GNG12: variants seen among roughly 807,000 people sequenced by gnomAD.
GNG12 encodes G protein subunit gamma 12.
For missense variants in GNG12, 69 were observed against 83.8 expected, an observed-to-expected ratio of 0.82 and a Z score of 0.69; for synonymous variants, 28 against 29.7, an observed-to-expected ratio of 0.94 and a Z score of 0.19.
At chr1:67,778,824 A>C (rs1047625009) in intron 1 of GNG12, among the ~76,000 whole-genome samples, 4 of 152,212 alleles carry the variant, frequency 2.6e-5, no homozygotes, top group Non-Finnish European at 5.9e-5. Context: ...TTCAGTTTTA[A>C]TTATAACCAT....
intron 1 of GNG12, among the ~76,000 whole-genome samples, chr1:67,812,545 T>C (rs997499708): frequency 6.6e-6 from 1 of 152,128 alleles, no homozygotes; most frequent in East Asian, 1.9e-4. Flanking sequence ...ACTTTCATCT[T>C]GAGAGGTAGG....
chr1:67,703,206 A>G lies in GNG12; in HGVS notation c.*2245T>C, dbSNP rs1472440609. 2 of 152,136 alleles carry G rather than the reference A, an allele frequency of 1.3e-5. No homozygotes were observed. The highest frequency in any genetic ancestry group is 4.8e-5 in the African/African-American group (2 of 41,432). The allele number at this position is 152,136 out of a possible 1,614,324, so 9.4% of individuals were successfully genotyped here. A position where few individuals can be genotyped will look rare whatever the true frequency, so the allele number is the denominator to read the frequency against. ...TATTTATACTCATAGCCTTTATTGT[A>G]TCTGACCAGGGTGAATAAAATGAAA... On this transcript the variant is annotated 3_prime_UTR_variant, in exon 4 of 4. Transcript: ENST00000370982.
At chr1:67,728,555 G>A (rs952023086) in intron 2 of GNG12, among the ~76,000 whole-genome samples, 6 of 152,026 alleles carry the variant, frequency 3.9e-5, no homozygotes, top group Admixed American at 2.0e-4. Flanking sequence ...TGATCAATAC[G>A]GGGACTGTAA....
intron 1 of GNG12, among the ~76,000 whole-genome samples, chr1:67,792,869 C>T (rs1179218574): frequency 6.6e-6 from 1 of 152,190 alleles, no homozygotes; most frequent in Non-Finnish European, 1.5e-5. Flanking sequence ...GGTTTTCTGG[C>T]TGCCTGGCCA....
chr1:67,778,152 A>G (rs919792459), intron 1 of GNG12, among the ~76,000 whole-genome samples: 1 of 150,714 alleles, frequency 6.6e-6, no homozygotes, highest in African/African-American at 2.4e-5. Flanking sequence ...TCATAATGTT[A>G]AATGTTCTAG....
At chr1:67,811,449 AC>A (rs1279752011) in intron 1 of GNG12, among the ~76,000 whole-genome samples, 1 of 152,080 alleles carries the variant, frequency 6.6e-6, no homozygotes, top group East Asian at 1.9e-4. Context: ...TACAAGGCAA[AC>A]CCTGCTGCGG....
At chr1:67,734,252 C>T (rs960009998) in intron 2 of GNG12, among the ~76,000 whole-genome samples, 1 of 151,690 alleles carries the variant, frequency 6.6e-6, no homozygotes, top group Non-Finnish European at 1.5e-5. Context: ...AGAGAGAGCA[C>T]AGGGCAGCTA....
At chr1:67,755,066 T>C (rs756618997) in intron 2 of GNG12, among the ~76,000 whole-genome samples, 107 of 152,374 alleles carry the variant, frequency 7.0e-4, no homozygotes, top group Non-Finnish European at 7.8e-4. Flanking sequence ...TCTTCATTCA[T>C]AGAGAGATGC....
intron 1 of GNG12, among the ~76,000 whole-genome samples, chr1:67,799,927 C>T (rs913144257): frequency 1.3e-5 from 2 of 152,106 alleles, no homozygotes; most frequent in African/African-American, 4.8e-5. Context: ...ATTTTTGTGA[C>T]ATGTTTTTGT....
chr1:67,710,409 A>T (rs547345036), intron 2 of GNG12, among the ~76,000 whole-genome samples: 105 of 151,014 alleles, frequency 7.0e-4, no homozygotes, highest in African/African-American at 2.3e-3. Flanking sequence ...CATGAGGATA[A>T]GGTCAAGCAT....
At chr1:67,705,670 C>A in intron 3 of GNG12, 94 bp from the exon 4 acceptor site, 1 of 1,444,526 alleles carries the variant, frequency 6.9e-7, no homozygotes, top group Non-Finnish European at 9.1e-7. Context: ...GAATGGAAGA[C>A]TGATTTGAAC....
At chr1:67,827,841 G>C (rs932508102) in intron 1 of GNG12, among the ~76,000 whole-genome samples, 3 of 152,128 alleles carry the variant, frequency 2.0e-5, no homozygotes, top group Non-Finnish European at 4.4e-5. Flanking sequence ...GCACTTTTAC[G>C]ACACCCAATA....
At chr1:67,816,103 A>G (rs74081837) in intron 1 of GNG12, among the ~76,000 whole-genome samples, 3,219 of 152,328 alleles carry the variant, frequency 0.021, 106 homozygotes, top group African/African-American at 0.073. Flanking sequence ...GAGGCTGCGG[A>G]AGCTGCTAGA....
chr1:67,745,439 G>C (rs1321345677), intron 2 of GNG12, among the ~76,000 whole-genome samples: 1 of 152,202 alleles, frequency 6.6e-6, no homozygotes, highest in Admixed American at 6.5e-5. Flanking sequence ...AGCTGCCCCG[G>C]TGACCAGGCA....
intron 2 of GNG12, among the ~76,000 whole-genome samples, chr1:67,773,980 T>C (rs1325026643): frequency 6.6e-6 from 1 of 152,216 alleles, no homozygotes; most frequent in Non-Finnish European, 1.5e-5. Context: ...AGGGTTTCTC[T>C]TGGACTGCAC....
At chr1:67,817,201 G>C (rs1014274958) in intron 1 of GNG12, among the ~76,000 whole-genome samples, 4 of 152,184 alleles carry the variant, frequency 2.6e-5, no homozygotes, top group Admixed American at 1.3e-4. Flanking sequence ...TGGGAACCCA[G>C]ACAGCAGAAA....
intron 2 of GNG12, among the ~76,000 whole-genome samples, chr1:67,735,874 CA>C (rs1646449740): frequency 1.3e-5 from 2 of 152,062 alleles, no homozygotes; most frequent in Non-Finnish European, 2.9e-5. Context: ...ATAGTTCAGA[CA>C]GAAAGTATCT....
chr1:67,772,806 T>C (rs1240020485), intron 2 of GNG12, among the ~76,000 whole-genome samples: 2 of 152,212 alleles, frequency 1.3e-5, no homozygotes, highest in African/African-American at 4.8e-5. Flanking sequence ...CAATCCAATC[T>C]GGGCTGGTCA....
At chr1:67,768,966 A>G (rs1251476545) in intron 2 of GNG12, among the ~76,000 whole-genome samples, 1 of 151,980 alleles carries the variant, frequency 6.6e-6, no homozygotes, top group Non-Finnish European at 1.5e-5. Flanking sequence ...CTCTAATATC[A>G]CCTCATATGA....
Sources: gnomAD v4.1 joint callset for allele counts (sites outside exome capture counted in the v4.1 genomes callset) on GRCh38, gnomAD v4.1.1 for gene constraint, MANE v1.5 for transcripts, NCBI Gene and HGNC (gene_info 2026-07-23, HGNC 2026-07-21) for gene names.